The following NAALADL2 variants were observed in gnomAD, a reference collection of about 807,000 sequenced individuals.
NAALADL2 encodes inactive N-acetylated-alpha-linked acidic dipeptidase-like protein 2.
A neutral mutation model predicts 87.2 loss-of-function variants in NAALADL2; 76 were observed. That is an observed-to-expected ratio of 0.87 (90% CI 0.72 to 1.05). The LOEUF (loss-of-function observed/expected upper bound fraction) is 1.05, where lower values mean the gene tolerates loss of function less well. Among genes scored for constraint, NAALADL2 ranks in the 50% least tolerant of loss-of-function variants. NAALADL2 has a pLI of 0.00. For synonymous variants in NAALADL2, 354 were observed against 331.0 expected, an observed-to-expected ratio of 1.07 and a Z score of -0.75; for missense variants, 1,089 against 945.8, an observed-to-expected ratio of 1.15 and a Z score of -1.99.
chr3:175,344,082 A>G (rs6769077), intron 5 of NAALADL2, among the ~76,000 whole-genome samples: 60,814 of 151,852 alleles, frequency 0.4, 13,257 homozygotes, highest in East Asian at 0.66. Context: ...TTCTGCCAGA[A>G]TCACCCATGA....
intron 9 of NAALADL2, among the ~76,000 whole-genome samples, chr3:175,498,164 A>G (rs1405300054): frequency 6.6e-6 from 1 of 152,176 alleles, no homozygotes; most frequent in Non-Finnish European, 1.5e-5. Context: ...AGAACAGAGA[A>G]TAAAAACGAA....
At chr3:175,254,297 CAAAAATAT>C (rs1749555268) in intron 3 of NAALADL2, among the ~76,000 whole-genome samples, 1 of 152,058 alleles carries the variant, frequency 6.6e-6, no homozygotes, top group Admixed American at 6.5e-5. Context: ...CTTTCACTAG[CAAAAATAT>C]AAAAATGTAC....
intron 2 of NAALADL2, among the ~76,000 whole-genome samples, chr3:174,619,736 CTT>C (rs1016089460): frequency 6.6e-6 from 1 of 151,894 alleles, no homozygotes; most frequent in African/African-American, 2.4e-5. Context: ...CCACAGCTTT[CTT>C]TTTGAAAATA....
chr3:175,551,311 C>T (rs771162864), intron 9 of NAALADL2, among the ~76,000 whole-genome samples: 1 of 151,924 alleles, frequency 6.6e-6, no homozygotes, highest in African/African-American at 2.4e-5. Context: ...CAGAGAGTGT[C>T]GGTGTTGTAG....
At chr3:175,195,087 C>G (rs576906288) in intron 2 of NAALADL2, among the ~76,000 whole-genome samples, 1 of 151,566 alleles carries the variant, frequency 6.6e-6, no homozygotes, top group African/African-American at 2.4e-5. Flanking sequence ...ATGCATATGA[C>G]CAGGTTAATT....
At chr3:174,643,773 G>A (rs562656541) in intron 2 of NAALADL2, among the ~76,000 whole-genome samples, 1 of 152,198 alleles carries the variant, frequency 6.6e-6, no homozygotes, top group East Asian at 1.9e-4. Flanking sequence ...TCTAATTGTT[G>A]CAATATCATA....
intron 1 of NAALADL2, chr3:174,863,876 T>C: frequency 6.1e-6 from 2 of 326,654 alleles, no homozygotes; most frequent in South Asian, 4.8e-5. Context: ...TGGACCTGTG[T>C]TCCATGAGGA....
intron 3 of NAALADL2, among the ~76,000 whole-genome samples, chr3:174,756,099 A>G (rs1347952886): frequency 6.6e-6 from 1 of 152,236 alleles, no homozygotes; most frequent in Non-Finnish European, 1.5e-5. Flanking sequence ...CTCCACTAAG[A>G]ATTTTAGCCT....
At chr3:175,205,087 G>T (rs2109195979) in intron 2 of NAALADL2, among the ~76,000 whole-genome samples, 1 of 151,782 alleles carries the variant, frequency 6.6e-6, no homozygotes, top group East Asian at 1.9e-4. Context: ...ATTCTTCAAA[G>T]AACTAGAAAA....
intron 10 of NAALADL2, among the ~76,000 whole-genome samples, chr3:175,612,103 C>T (rs1222288958): frequency 6.6e-6 from 1 of 152,018 alleles, no homozygotes; most frequent in Non-Finnish European, 1.5e-5. Flanking sequence ...TGCATTTAGC[C>T]CTTGGTAAGT....
intron 2 of NAALADL2, among the ~76,000 whole-genome samples, chr3:174,663,079 T>C (rs1725654110): frequency 6.6e-6 from 1 of 152,320 alleles, no homozygotes; most frequent in South Asian, 2.1e-4. Flanking sequence ...TCTATTTTAA[T>C]GTAGATGAGT....
At chr3:174,659,491 C>T (rs1725307153) in intron 2 of NAALADL2, among the ~76,000 whole-genome samples, 1 of 152,178 alleles carries the variant, frequency 6.6e-6, no homozygotes, top group African/African-American at 2.4e-5. Flanking sequence ...TTTATCTTCC[C>T]AGATCCACCT....
At chr3:174,452,804 G>A (rs1056909978) in intron 1 of NAALADL2, among the ~76,000 whole-genome samples, 1 of 151,102 alleles carries the variant, frequency 6.6e-6, no homozygotes, top group African/African-American at 2.4e-5. Flanking sequence ...TTTAAAAATC[G>A]AAGGAACATC....
chr3:174,827,922 C>T (rs1424147758), intron 3 of NAALADL2, among the ~76,000 whole-genome samples: 1 of 152,124 alleles, frequency 6.6e-6, no homozygotes, highest in African/African-American at 2.4e-5. Context: ...TATGCTCATG[C>T]CTGTAATCTC....
intron 3 of NAALADL2, among the ~76,000 whole-genome samples, chr3:174,808,285 C>T (rs1719736513): frequency 6.6e-6 from 1 of 151,976 alleles, no homozygotes; most frequent in Non-Finnish European, 1.5e-5. Flanking sequence ...TTAAACAAGG[C>T]CTCCCTATAT....
intron 2 of NAALADL2, among the ~76,000 whole-genome samples, chr3:175,106,567 G>T (rs1412862650): frequency 6.6e-6 from 1 of 152,054 alleles, no homozygotes; most frequent in Non-Finnish European, 1.5e-5. Context: ...TGAGAATCAG[G>T]TATGTCAATT....
At chr3:174,784,338 A>G (rs1301321656) in intron 3 of NAALADL2, among the ~76,000 whole-genome samples, 3 of 152,144 alleles carry the variant, frequency 2.0e-5, no homozygotes. Context: ...AAAATCTCCA[A>G]TTGCATTATG....
At chr3:175,607,537 A>G (rs1723938521) in intron 10 of NAALADL2, among the ~76,000 whole-genome samples, 1 of 151,526 alleles carries the variant, frequency 6.6e-6, no homozygotes, top group Non-Finnish European at 1.5e-5. Flanking sequence ...GTATACAGAA[A>G]TAAAGGTGGT....
intron 2 of NAALADL2, among the ~76,000 whole-genome samples, chr3:174,725,338 TATTTA>T (rs1426599316): frequency 1.4e-5 from 2 of 146,482 alleles, no homozygotes; most frequent in Non-Finnish European, 3.0e-5. Context: ...TAAACTTAAT[TATTTA>T]ATTCTGTTTT....
Sources: allele counts gnomAD v4.1 joint callset (sites outside exome capture counted in the v4.1 genomes callset), GRCh38; gene constraint gnomAD v4.1.1; transcripts MANE v1.5; gene names NCBI Gene and HGNC (gene_info 2026-07-23, HGNC 2026-07-21).